CUEDC1: variants seen among roughly 807,000 people sequenced by gnomAD.
CUEDC1 encodes the protein CUE domain containing 1, also known as CUE domain-containing protein 1.
A neutral mutation model predicts 43.7 loss-of-function variants in CUEDC1; 30 were observed. The ratio of observed to expected loss-of-function variants is 0.69; its 90% CI spans 0.51 to 0.93. The LOEUF (loss-of-function observed/expected upper bound fraction) is 0.93, where lower values mean the gene tolerates loss of function less well. CUEDC1 is among the 40% of genes least tolerant of loss of function. CUEDC1 has a pLI of 0.00. For synonymous variants in CUEDC1, 223 were observed against 223.6 expected (o/e 1.00, Z 0.02); for missense variants, 486 against 549.0 (o/e 0.89, Z 1.15).
chr17:57,954,638 GAT>G lies in CUEDC1; in HGVS notation c.-316+585_-316+586del, dbSNP rs1376123083. Among the ~76,000 whole-genome samples, 2 of 152,126 alleles carry G rather than the reference GAT, an allele frequency of 1.3e-5. No individual in the cohort carries two copies. The highest frequency in any genetic ancestry group is 1.3e-4 in the Admixed American group (2 of 15,282). On this transcript the variant is annotated intron_variant, in intron 1 of 10. Coordinates refer to ENST00000577830, the MANE Select transcript of CUEDC1 (RefSeq NM_001271875.2). This position sits in a 1 kb window ranked among gnomAD's most constrained non-coding sequence, Gnocchi z 4.3. ...ACTTTCCCTGGCCGAGCTGACGGGA[GAT>G]ACAGCTCCCAGGGGACCGGGAGGGA...
intron 1 of CUEDC1, among the ~76,000 whole-genome samples, chr17:57,950,089 G>A (rs2074991877): frequency 6.6e-6 from 1 of 152,190 alleles, no homozygotes; most frequent in Admixed American, 6.5e-5. Flanking sequence ...ACCCCTCTGT[G>A]AGTGCTGCAA....
At chr17:57,932,012 C>A (rs1021203241) in intron 1 of CUEDC1, among the ~76,000 whole-genome samples, 10 of 152,118 alleles carry the variant, frequency 6.6e-5, no homozygotes, top group African/African-American at 2.4e-4. Context: ...TAGCTCATGC[C>A]TGTAATCCCA....
At chr17:57,904,798 C>T (rs2074510989) in intron 1 of CUEDC1, among the ~76,000 whole-genome samples, 1 of 152,168 alleles carries the variant, frequency 6.6e-6, no homozygotes, top group Non-Finnish European at 1.5e-5. Context: ...CCCACCCTTC[C>T]TCGGCTCTGC....
chr17:57,895,685 G>A (rs1356989331), intron 1 of CUEDC1, among the ~76,000 whole-genome samples: 2 of 152,180 alleles, frequency 1.3e-5, no homozygotes, highest in East Asian at 3.9e-4. Context: ...CGGATTAAGG[G>A]GGCTACTGTC....
chr17:57,953,591 G>A (rs911225946), intron 1 of CUEDC1, among the ~76,000 whole-genome samples: 2 of 152,164 alleles, frequency 1.3e-5, no homozygotes, highest in Non-Finnish European at 2.9e-5. Context: ...TATATTAACC[G>A]TCTGGTGTTG....
At chr17:57,934,942 A>C (rs1420762708) in intron 1 of CUEDC1, among the ~76,000 whole-genome samples, 1 of 152,202 alleles carries the variant, frequency 6.6e-6, no homozygotes, top group African/African-American at 2.4e-5. Flanking sequence ...TCCTGAGCTC[A>C]GGTGATCCAC....
At chr17:57,935,258 A>T (rs1207920186) in intron 1 of CUEDC1, among the ~76,000 whole-genome samples, 1 of 152,206 alleles carries the variant, frequency 6.6e-6, no homozygotes, top group Non-Finnish European at 1.5e-5. Context: ...CAATCCTTAA[A>T]GACCTGCTTC....
chr17:57,921,232 C>T (rs931977442), intron 1 of CUEDC1, among the ~76,000 whole-genome samples: 1 of 150,130 alleles, frequency 6.7e-6, no homozygotes, highest in African/African-American at 2.5e-5. Flanking sequence ...CCTGTGTTTC[C>T]TCTGCTATAA....
chr17:57,910,945 C>A (rs534358678), intron 1 of CUEDC1, among the ~76,000 whole-genome samples: 10 of 152,294 alleles, frequency 6.6e-5, no homozygotes, highest in South Asian at 6.2e-4. Context: ...GCCTCCCAAG[C>A]CCGCTTCCCT....
At chr17:57,926,843 T>A (rs867389926) in intron 1 of CUEDC1, among the ~76,000 whole-genome samples, 2 of 152,074 alleles carry the variant, frequency 1.3e-5, no homozygotes, top group Non-Finnish European at 2.9e-5. Context: ...GGGCTGCTTC[T>A]GGAACATAGG....
intron 1 of CUEDC1, among the ~76,000 whole-genome samples, chr17:57,941,610 T>G (rs943521105): frequency 6.6e-6 from 1 of 152,206 alleles, no homozygotes; most frequent in East Asian, 1.9e-4. Flanking sequence ...TCTCTACTTT[T>G]GTAGATGTTT....
chr17:57,898,378 A>G (rs927979396), intron 1 of CUEDC1, among the ~76,000 whole-genome samples: 5 of 152,118 alleles, frequency 3.3e-5, no homozygotes, highest in African/African-American at 9.7e-5. Context: ...TACTGGTGCT[A>G]TGTCTGGGGT....
chr17:57,881,713 C>T (rs1011233186), intron 2 of CUEDC1, among the ~76,000 whole-genome samples: 1 of 152,134 alleles, frequency 6.6e-6, no homozygotes, highest in South Asian at 2.1e-4. Context: ...TGGGGTTTCC[C>T]CTGACCATGG....
chr17:57,888,219 T>C (rs1281300612), intron 1 of CUEDC1, among the ~76,000 whole-genome samples: 5 of 152,218 alleles, frequency 3.3e-5, no homozygotes, highest in Admixed American at 2.0e-4. Context: ...TTTCTTTGCA[T>C]ATACCACCAT....
chr17:57,880,605 G>A (rs550744584), intron 2 of CUEDC1, among the ~76,000 whole-genome samples: 6 of 152,276 alleles, frequency 3.9e-5, no homozygotes, highest in Admixed American at 2.0e-4. Context: ...TCCACTGACC[G>A]ACTTAGATTC....
intron 1 of CUEDC1, among the ~76,000 whole-genome samples, chr17:57,932,200 T>C (rs777521322): frequency 2.0e-5 from 3 of 149,122 alleles, no homozygotes; most frequent in Non-Finnish European, 4.4e-5. Context: ...AAGAATCTCT[T>C]GAACCCGGGA....
chr17:57,898,393 A>G (rs2074436181), intron 1 of CUEDC1, among the ~76,000 whole-genome samples: 1 of 152,106 alleles, frequency 6.6e-6, no homozygotes, highest in Non-Finnish European at 1.5e-5. Flanking sequence ...TGGGGTAGGA[A>G]GCCATGGAGC....
At chr17:57,935,548 G>A (rs1421735497) in intron 1 of CUEDC1, among the ~76,000 whole-genome samples, 2 of 152,172 alleles carry the variant, frequency 1.3e-5, no homozygotes, top group African/African-American at 4.8e-5. Context: ...GGGTCCAGGA[G>A]TGACATTTCC....
intron 1 of CUEDC1, among the ~76,000 whole-genome samples, chr17:57,925,570 C>G (rs1397767675): frequency 6.6e-6 from 1 of 152,174 alleles, no homozygotes; most frequent in African/African-American, 2.4e-5. Context: ...GGCAAAGAGA[C>G]AGAAGACAGC....
Sources: gnomAD v4.1 joint callset for allele counts (sites outside exome capture counted in the v4.1 genomes callset) on GRCh38, gnomAD v4.1.1 for gene constraint, Gnocchi (gnomAD v3.1) non-coding constraint, MANE v1.5 for transcripts, NCBI Gene and HGNC (gene_info 2026-07-23, HGNC 2026-07-21) for gene names.